C2orf74: variants seen among roughly 807,000 people sequenced by gnomAD.
The protein encoded by C2orf74 is uncharacterized protein C2orf74.
In C2orf74, 14 loss-of-function variants were observed where a neutral mutation model predicts 17.9. That is an observed-to-expected ratio of 0.78 (90% CI 0.52 to 1.22). The LOEUF (loss-of-function observed/expected upper bound fraction) is 1.22, where lower values mean the gene tolerates loss of function less well. Among genes scored for constraint, C2orf74 ranks in the 50% most tolerant of loss-of-function variants. The pLI, the probability that C2orf74 is intolerant of heterozygous loss-of-function variation, is 0.00. For synonymous variants in C2orf74, 79 were observed against 72.6 expected (o/e 1.09, Z -0.44); for missense variants, 217 against 218.4 (o/e 0.99, Z 0.04).
chr2:61,161,346 A>G (rs1361771262), upstream of C2orf74, among the ~76,000 whole-genome samples: 1 of 152,220 alleles, frequency 6.6e-6, no homozygotes, highest in Non-Finnish European at 1.5e-5. Context: ...ACCATTGAAT[A>G]TGATGATAGT....
At chr2:61,156,871 C>T (rs1685406883) in intron 1 of C2orf74, among the ~76,000 whole-genome samples, 1 of 152,138 alleles carries the variant, frequency 6.6e-6, no homozygotes, top group South Asian at 2.1e-4. Context: ...CAAAGTGAGA[C>T]CCTGTCTCAA....
chr2:61,152,294 C>G (rs1685252220), intron 1 of C2orf74, among the ~76,000 whole-genome samples: 2 of 152,136 alleles, frequency 1.3e-5, no homozygotes, highest in South Asian at 4.1e-4. Context: ...GTAATCCCAG[C>G]ACTTTGGGAG....
Position 61,156,802 on chromosome 2 carries a change from T to C in C2orf74, c.-121-6040T>C, listed in dbSNP as rs138407177. On this transcript the variant is annotated intron_variant, in intron 1 of 3. Transcript: ENST00000426997. ...TGGGGAGCTAAGGCAGGAGGATTGCTTGAGCCCAGGAGGTGGAGGCTGCAG... is the reference window on the plus strand; with the variant it reads ...TGGGGAGCTAAGGCAGGAGGATTGCCTGAGCCCAGGAGGTGGAGGCTGCAG... Among the ~76,000 whole-genome samples the C allele has an allele frequency of 1.3e-3, 200 of 152,272 alleles. 3 individuals carry two copies. The highest frequency in any genetic ancestry group is 4.7e-3 in the African/African-American group (194 of 41,556).
intron 2 of C2orf74, 66 bp downstream of exon 2, chr2:61,162,675 A>G: frequency 1.8e-6 from 2 of 1,126,056 alleles, no homozygotes; most frequent in South Asian, 1.4e-5. Context: ...TATAGAAATA[A>G]TGTAAAACAA....
chr2:61,154,075 C>A (rs1430672975), intron 1 of C2orf74, among the ~76,000 whole-genome samples: 1 of 151,556 alleles, frequency 6.6e-6, no homozygotes, highest in Non-Finnish European at 1.5e-5. Flanking sequence ...CCCGTCTCTA[C>A]TAATAATACA....
Position 61,164,361 on chromosome 2 carries a change from G to A in C2orf74, c.398G>A (p.Gly133Asp). ...AGETGQEEDD[G>D]LQKIHTSVTR... is the part of the protein sequence containing the mutation. Reference sequence around the variant, plus strand: ...TGTCCCATTCTCTTGCAGGATGATGGTTTGCAGAAAATACACACATCTGTC... The same window carrying A: ...TGTCCCATTCTCTTGCAGGATGATGATTTGCAGAAAATACACACATCTGTC... The change falls in exon 5 of 5, where the codon GGT becomes GAT. Residue 133 changes from glycine (G) to aspartate (D), a missense_variant. Physicochemically the swap from Gly to Asp is moderately conservative, Grantham distance 94. Coordinates refer to ENST00000432605, the MANE Select transcript of C2orf74 (RefSeq NM_001143959.4). 6.5e-7 allele frequency: 1 copy of A among 1,540,622 alleles called. No homozygotes were observed.
chr2:61,164,394 C>T lies in C2orf74; in HGVS notation c.431C>T (p.Thr144Ile). ...AAAATACACACATCTGTCACTAGAA[C>T]TCCTTCAGTTGTTGAAAGCCAAAAA... ...LQKIHTSVTR[T>I]PSVVESQKRP... Residue 144 changes from threonine (T) to isoleucine (I), a missense_variant, in exon 5 of 5, where the codon ACT (threonine) becomes ATT (isoleucine). Coordinates refer to ENST00000432605, the MANE Select transcript of C2orf74 (RefSeq NM_001143959.4). 3.2e-6 allele frequency: 5 copies of T among 1,549,916 alleles called. No homozygotes were observed. Among genetic ancestry groups the T allele is most frequent in the Non-Finnish European group, 4.4e-6 (5 of 1,146,468 alleles).
chr2:61,157,135 G>T lies in C2orf74; in HGVS notation c.-121-5707G>T, dbSNP rs190089965. Among the ~76,000 whole-genome samples the T allele has an allele frequency of 2.3e-3, 347 of 152,280 alleles. 2 individuals are homozygous for T. The highest frequency in any genetic ancestry group is 6.8e-3 in the African/African-American group (282 of 41,574). ...ACTGCAACCTCCCCTCCGCCTCCTGGGTTCAAGCGAGTCTCCTGCCTCAGC... is the reference window on the plus strand; with the variant it reads ...ACTGCAACCTCCCCTCCGCCTCCTGTGTTCAAGCGAGTCTCCTGCCTCAGC... On this transcript the variant is annotated intron_variant, in intron 1 of 3. Coordinates refer to the C2orf74 transcript ENST00000426997.
chr2:61,154,826 A>G (rs1685346031), intron 1 of C2orf74, among the ~76,000 whole-genome samples: 1 of 152,038 alleles, frequency 6.6e-6, no homozygotes, highest in African/African-American at 2.4e-5. Flanking sequence ...AGGCCAAGGT[A>G]GGCGGATCGC....
At chr2:61,149,342 C>T (rs1288133177) in intron 1 of C2orf74, among the ~76,000 whole-genome samples, 1 of 152,072 alleles carries the variant, frequency 6.6e-6, no homozygotes, top group Admixed American at 6.6e-5. Context: ...GTCCTGGATG[C>T]TGTAATAAGG....
At chr2:61,153,409 T>G (rs1234672323) in intron 1 of C2orf74, among the ~76,000 whole-genome samples, 3 of 151,072 alleles carry the variant, frequency 2.0e-5, no homozygotes, top group Non-Finnish European at 4.4e-5. Context: ...GCCTCCTGAG[T>G]AGCTGGGACT....
At chr2:61,150,659 A>C (rs769211264) in intron 1 of C2orf74, among the ~76,000 whole-genome samples, 5 of 152,180 alleles carry the variant, frequency 3.3e-5, no homozygotes, top group Non-Finnish European at 5.9e-5. Context: ...CCCTAGAAAC[A>C]GGAGGCGCTG....
At chr2:61,163,351 G>A (rs1343713564) in intron 4 of C2orf74, 119 bp downstream of exon 4, 8 of 1,098,132 alleles carry the variant, frequency 7.3e-6, no homozygotes, top group South Asian at 1.7e-5. Flanking sequence ...GCTCACGCCT[G>A]TAATCCCAGC....
At chr2:61,152,767 G>A (rs1224238103) in intron 1 of C2orf74, among the ~76,000 whole-genome samples, 1 of 145,062 alleles carries the variant, frequency 6.9e-6, no homozygotes, top group Non-Finnish European at 1.5e-5. Flanking sequence ...AGAATCGCTT[G>A]AACCTGGGAG....
intron 1 of C2orf74, among the ~76,000 whole-genome samples, chr2:61,146,340 C>A (rs1233620103): frequency 6.6e-6 from 1 of 152,090 alleles, no homozygotes; most frequent in African/African-American, 2.4e-5. Flanking sequence ...GTCATATGAT[C>A]CTTATTTCCA....
chr2:61,164,248 T>C, intron 4 of C2orf74, 106 bp from the exon 5 acceptor site: 3 of 901,662 alleles, frequency 3.3e-6, no homozygotes, highest in Non-Finnish European at 3.2e-6. Context: ...CATTTAGAAA[T>C]GCTTTTTCTG....
At chr2:61,157,820 G>A (rs931927673), upstream of C2orf74, 4 of 465,756 alleles carry the variant, frequency 8.6e-6, no homozygotes, top group African/African-American at 8.0e-5. Context: ...CTTTGAGCGT[G>A]CTCACTCATC....
At chr2:61,149,191 A>T (rs1685152233) in intron 1 of C2orf74, among the ~76,000 whole-genome samples, 2 of 152,188 alleles carry the variant, frequency 1.3e-5, no homozygotes, top group Admixed American at 1.3e-4. Flanking sequence ...TGGCTTGTGT[A>T]TCTGTATTCA....
upstream of C2orf74, among the ~76,000 whole-genome samples, chr2:61,159,956 C>T (rs1295871649): frequency 6.6e-6 from 1 of 152,214 alleles, no homozygotes; most frequent in African/African-American, 2.4e-5. Context: ...TGAAACTCTA[C>T]AGCCATTAAA....
Sources: allele counts gnomAD v4.1 joint callset (sites outside exome capture counted in the v4.1 genomes callset), GRCh38; gene constraint gnomAD v4.1.1; transcripts MANE v1.5; gene names NCBI Gene and HGNC (gene_info 2026-07-23, HGNC 2026-07-21).